The following ITGA1 variants were observed in gnomAD, a reference collection of about 807,000 sequenced individuals.
The protein encoded by ITGA1 is integrin alpha-1.
In ITGA1, 85 loss-of-function variants were observed where a neutral mutation model predicts 145.9. The ratio of observed to expected loss-of-function variants is 0.58; its 90% CI spans 0.49 to 0.70. ITGA1 has a LOEUF of 0.70. ITGA1 is among the 30% of genes least tolerant of loss of function. ITGA1 has a pLI of 0.00. For synonymous variants in ITGA1, 520 were observed against 495.3 expected (o/e 1.05, Z -0.66); for missense variants, 1,351 against 1,418.7 (o/e 0.95, Z 0.77).
At chr5:52,942,133 A>G (rs1751062607) in intron 26 of ITGA1, among the ~76,000 whole-genome samples, 1 of 152,128 alleles carries the variant, frequency 6.6e-6, no homozygotes, top group Non-Finnish European at 1.5e-5. Context: ...TCACTGGTCC[A>G]TGTGGCTCTT....
intron 11 of ITGA1, among the ~76,000 whole-genome samples, chr5:52,898,891 T>A (rs150571964): frequency 8.5e-4 from 129 of 152,312 alleles, no homozygotes; most frequent in African/African-American, 2.9e-3. Context: ...AATATTGAAC[T>A]TAAACCCAGT....
intron 14 of ITGA1, among the ~76,000 whole-genome samples, chr5:52,911,192 C>A (rs1466448766): frequency 8.1e-6 from 1 of 123,540 alleles, no homozygotes; most frequent in African/African-American, 3.0e-5. Context: ...ATATAGTGTA[C>A]ATATAGTATA....
intron 26 of ITGA1, among the ~76,000 whole-genome samples, chr5:52,940,736 T>C (rs1041596635): frequency 7.9e-5 from 12 of 152,182 alleles, no homozygotes; most frequent in Non-Finnish European, 1.5e-5. Context: ...ATTTTTGAAT[T>C]TGATTATAGT....
chr5:52,818,454 A>G (rs1286637663), intron 1 of ITGA1, among the ~76,000 whole-genome samples: 1 of 152,218 alleles, frequency 6.6e-6, no homozygotes, highest in African/African-American at 2.4e-5. Flanking sequence ...TGGGAAGTAT[A>G]TTCAAGTATC....
At chr5:52,898,031 G>C (rs971788571) in intron 10 of ITGA1, among the ~76,000 whole-genome samples, 1 of 152,072 alleles carries the variant, frequency 6.6e-6, no homozygotes, top group Non-Finnish European at 1.5e-5. Flanking sequence ...TGTATAACTT[G>C]GGTAAGTTAT....
chr5:52,872,565 G>A (rs1488822459), intron 6 of ITGA1, among the ~76,000 whole-genome samples: 3 of 89,950 alleles, frequency 3.3e-5, no homozygotes, highest in South Asian at 3.5e-4. Flanking sequence ...CCTTACACCC[G>A]CCTCAGTCAA....
chr5:52,930,672 A>G (rs1455925722), intron 21 of ITGA1, among the ~76,000 whole-genome samples: 1 of 152,168 alleles, frequency 6.6e-6, no homozygotes, highest in Non-Finnish European at 1.5e-5. Flanking sequence ...AAGGGTAGAT[A>G]GCATTTCACA....
intron 10 of ITGA1, among the ~76,000 whole-genome samples, chr5:52,897,866 G>T (rs902158834): frequency 6.6e-6 from 1 of 151,940 alleles, no homozygotes; most frequent in African/African-American, 2.4e-5. Flanking sequence ...GGAATTCAAG[G>T]GTCTTATTAG....
chr5:52,887,568 G>A (rs932348969), intron 7 of ITGA1, among the ~76,000 whole-genome samples: 1 of 152,122 alleles, frequency 6.6e-6, no homozygotes, highest in Non-Finnish European at 1.5e-5. Flanking sequence ...ATGAAATACT[G>A]CTGCCTTTTT....
In ITGA1 at chr5:52,865,074, CT is replaced by C; in HGVS notation, c.489del (p.Val164TyrfsTer10). On this transcript the variant is annotated frameshift_variant, in exon 5 of 29. Transcript: ENST00000282588. LOFTEE classifies it high-confidence loss of function. Reference sequence around the variant, plus strand: ...TTTCAAGTCGTGAATTCCATTGCCCCTGTACAAGGTACAGATTTTATGCAAT... The same window carrying C: ...TTTCAAGTCGTGAATTCCATTGCCCCGTACAAGGTACAGATTTTATGCAAT... ...PTFQVVNSIA[P>X]VQECSTQLDI... 1 of 1,608,964 alleles carries C rather than the reference CT, an allele frequency of 6.2e-7. No individual in the cohort carries two copies. Among genetic ancestry groups the C allele is most frequent in the Non-Finnish European group, 8.5e-7 (1 of 1,175,820 alleles).
At chr5:52,943,935 G>C (rs752803641) in intron 26 of ITGA1, among the ~76,000 whole-genome samples, 1 of 152,202 alleles carries the variant, frequency 6.6e-6, no homozygotes, top group South Asian at 2.1e-4. Flanking sequence ...AAGTACTCAG[G>C]TGGGGCGCAG....
intron 18 of ITGA1, among the ~76,000 whole-genome samples, chr5:52,923,418 A>G (rs1273098806): frequency 6.6e-6 from 1 of 152,082 alleles, no homozygotes; most frequent in Non-Finnish European, 1.5e-5. Context: ...CTACAGATAA[A>G]TAGACTAGAA....
chr5:52,804,327 CAAT>C (rs1240456710), intron 1 of ITGA1, among the ~76,000 whole-genome samples: 40 of 152,290 alleles, frequency 2.6e-4, no homozygotes, highest in Middle Eastern at 6.8e-3. Context: ...CCACTAAACT[CAAT>C]AAGTGAGAAG....
chr5:52,800,776 G>C, intron 1 of ITGA1: 1 of 1,614,130 alleles, frequency 6.2e-7, no homozygotes, highest in Non-Finnish European at 8.5e-7. Flanking sequence ...CATCGAGCAG[G>C]CCTGTGACCC....
rs542658610 is a variant in ITGA1 at position 52,921,808 on chromosome 5, C to T, written c.2293-969C>T. 2.6e-4 allele frequency among the ~76,000 whole-genome samples: 39 copies of T among 152,228 alleles called. 1 individual carries two copies. Among genetic ancestry groups the T allele is most frequent in the East Asian group, 2.1e-3 (11 of 5,186 alleles). On this transcript the variant is annotated intron_variant, in intron 17 of 28. Transcript: ENST00000282588. The stretch of plus-strand genomic sequence containing the variant: ...TCCACATTCTGAGAGACTTTGGCAA[C>T]GTCGTTTGGTCTCTTAGAGGGTCAA...
Position 52,920,395 on chromosome 5 carries a change from C to T in ITGA1, c.2219C>T (p.Thr740Ile). 6.2e-7 allele frequency: 1 copy of T among 1,611,728 alleles called. No homozygotes were observed. ...RQISRSFFSGTQERKVQRNIT... is the reference protein window; with the variant it reads ...RQISRSFFSGIQERKVQRNIT... ...ATATCACGAAGTTTTTTCTCTGGAACTCAAGAGAGAAAGGTTCAAAGGAAC... is the reference window on the plus strand; with the variant it reads ...ATATCACGAAGTTTTTTCTCTGGAATTCAAGAGAGAAAGGTTCAAAGGAAC... The change falls in exon 17 of 29, where the codon ACT (threonine) becomes ATT (isoleucine). Residue 740 changes from threonine to isoleucine, a missense_variant. Transcript: ENST00000282588.
In ITGA1 at chr5:52,937,522, A is replaced by C. The variant is rs747206958; in HGVS notation, c.3078+8A>C. 4 of 1,502,768 alleles carry C rather than the reference A, an allele frequency of 2.7e-6. No homozygotes were observed. 93.1% of individuals were successfully genotyped at this position (1,502,768 alleles called of 1,614,324 possible). The stretch of plus-strand genomic sequence containing the variant: ...GGATTGTCATCTTCTGAGGTAAGTC[A>C]TGTGTGCCTTGGAATTATGTCATTA... On this transcript the variant is annotated splice_region_variant and intron_variant, in intron 24 of 28. Coordinates refer to ENST00000282588, the MANE Select transcript of ITGA1 (RefSeq NM_181501.2).
intron 19 of ITGA1, among the ~76,000 whole-genome samples, chr5:52,927,138 A>G (rs1324060879): frequency 1.3e-5 from 2 of 152,222 alleles, no homozygotes. Flanking sequence ...GAATCTTAAC[A>G]AGGATAAAGC....
In ITGA1 at chr5:52,906,768, C is replaced by G. The variant is rs186072237; in HGVS notation, c.1455+860C>G. Among the ~76,000 whole-genome samples, 9 of 152,254 alleles carry G rather than the reference C, an allele frequency of 5.9e-5. No homozygotes were observed. The East Asian group carries it at 1.7e-3, about 29-fold the overall frequency. ...AGCCTTCACTAAATATTCCAACTCT[C>G]TAGACTAGAGGGGCAGGACTGCATC... On this transcript the variant is annotated intron_variant, in intron 12 of 28. Coordinates refer to ENST00000282588, the MANE Select transcript of ITGA1 (RefSeq NM_181501.2).
Sources: allele counts gnomAD v4.1 joint callset (sites outside exome capture counted in the v4.1 genomes callset), GRCh38; gene constraint gnomAD v4.1.1; transcripts MANE v1.5; gene names NCBI Gene and HGNC (gene_info 2026-07-23, HGNC 2026-07-21).